Variants in MYO16 observed in about 807,000 individuals in gnomAD.
The protein encoded by MYO16 is unconventional myosin-XVI.
Under a neutral mutation model 205.3 loss-of-function variants are expected in MYO16, and 94 were observed. The ratio of observed to expected loss-of-function variants is 0.46; its 90% CI spans 0.39 to 0.54. MYO16 has a LOEUF of 0.54. Among genes scored for constraint, MYO16 ranks in the 20% least tolerant of loss-of-function variants. The probability of loss-of-function intolerance (pLI) is 0.00; values close to 1 mark genes in which losing one functional copy is unlikely to be tolerated. For synonymous variants in MYO16, 988 were observed against 954.0 expected, an observed-to-expected ratio of 1.04 and a Z score of -0.66; for missense variants, 2,315 against 2,387.5, an observed-to-expected ratio of 0.97 and a Z score of 0.63.
intron 23 of MYO16, among the ~76,000 whole-genome samples, chr13:109,042,880 A>G (rs563210680): frequency 2.6e-5 from 4 of 152,346 alleles, no homozygotes; most frequent in African/African-American, 4.8e-5. Flanking sequence ...ACTAAACACT[A>G]TGCTTCCTAC....
chr13:108,639,234 A>T (rs923950362), intron 1 of MYO16, among the ~76,000 whole-genome samples: 12 of 152,116 alleles, frequency 7.9e-5, no homozygotes, highest in African/African-American at 2.9e-4. Flanking sequence ...TTAAATCAGG[A>T]GGGTGGGGAC....
intron 15 of MYO16, among the ~76,000 whole-genome samples, chr13:108,904,149 A>G (rs1306456279): frequency 6.6e-6 from 1 of 152,202 alleles, no homozygotes; most frequent in African/African-American, 2.4e-5. Flanking sequence ...ATGAAACATG[A>G]GCTGTATATA....
At chr13:108,819,780 T>A (rs1296930595) in intron 7 of MYO16, among the ~76,000 whole-genome samples, 1 of 152,222 alleles carries the variant, frequency 6.6e-6, no homozygotes, top group East Asian at 1.9e-4. Flanking sequence ...CCCATGTTGC[T>A]GTCATAGAGC....
chr13:108,504,252 G>A, the MYO16 span, among the ~76,000 whole-genome samples: 1 of 152,040 alleles, frequency 6.6e-6, no homozygotes, highest in Non-Finnish European at 1.5e-5. Flanking sequence ...CTCACGAGTA[G>A]CTGGGACTAC....
At chr13:109,186,038 C>A (rs1345638656) in intron 34 of MYO16, among the ~76,000 whole-genome samples, 1 of 151,996 alleles carries the variant, frequency 6.6e-6, no homozygotes, top group Non-Finnish European at 1.5e-5. Context: ...TTAGGGTTAA[C>A]AACTGTAGTC....
chr13:109,172,277 T>C (rs1207657093), intron 33 of MYO16, among the ~76,000 whole-genome samples: 5 of 152,226 alleles, frequency 3.3e-5, no homozygotes, highest in African/African-American at 1.2e-4. Context: ...GAAGCAAGCC[T>C]CACTTGACAA....
chr13:108,799,000 C>T (rs1294391871), intron 6 of MYO16, among the ~76,000 whole-genome samples: 6 of 152,142 alleles, frequency 3.9e-5, no homozygotes, highest in African/African-American at 9.7e-5. Flanking sequence ...CCACCGCGCC[C>T]GGCCCCCGAG....
At chr13:108,784,466 T>TA (rs1197328979) in intron 4 of MYO16, among the ~76,000 whole-genome samples, 7 of 152,186 alleles carry the variant, frequency 4.6e-5, no homozygotes, top group African/African-American at 1.7e-4. Flanking sequence ...AATGTTAAGA[T>TA]ACGGAATATT....
intron 2 of MYO16, among the ~76,000 whole-genome samples, chr13:108,677,024 G>A (rs1271108336): frequency 2.6e-5 from 4 of 152,120 alleles, no homozygotes; most frequent in Admixed American, 1.3e-4. Flanking sequence ...TAAAATGTGT[G>A]TTATGCAAAG....
chr13:108,785,862 A>T, intron 5 of MYO16, 119 bp downstream of exon 5: 1 of 637,222 alleles, frequency 1.6e-6, no homozygotes, highest in South Asian at 2.1e-5. Flanking sequence ...CACGTGGTGT[A>T]GAAGATGGTA....
intron 12 of MYO16, 52 bp downstream of exon 12, chr13:108,866,294 G>C: frequency 1.7e-6 from 2 of 1,165,190 alleles, no homozygotes; most frequent in East Asian, 2.6e-5. Flanking sequence ...ATACTTTCTA[G>C]TCATACATGT....
intron 20 of MYO16, among the ~76,000 whole-genome samples, chr13:108,984,484 A>G (rs538693288): frequency 3.3e-5 from 5 of 152,274 alleles, no homozygotes; most frequent in African/African-American, 1.2e-4. Context: ...TCATTCACAC[A>G]AGGGATTCAG....
intron 14 of MYO16, among the ~76,000 whole-genome samples, chr13:108,896,893 A>T (rs1354807403): frequency 6.6e-6 from 1 of 152,108 alleles, no homozygotes; most frequent in Non-Finnish European, 1.5e-5. Context: ...AATTGCTTGA[A>T]TCCAGGAGGC....
chr13:109,120,530 C>A, intron 29 of MYO16, 64 bp downstream of exon 29: 3 of 1,260,768 alleles, frequency 2.4e-6, no homozygotes, highest in South Asian at 2.6e-5. Context: ...TCTTTTAGTG[C>A]ATCCCCAAGT....
intron 4 of MYO16, among the ~76,000 whole-genome samples, chr13:108,781,991 T>C (rs1315593714): frequency 6.6e-6 from 1 of 152,164 alleles, no homozygotes; most frequent in African/African-American, 2.4e-5. Context: ...ATGGCTTTAT[T>C]AGCAGTGTAA....
At chr13:108,733,438 G>C (rs1884587885) in intron 4 of MYO16, among the ~76,000 whole-genome samples, 1 of 152,152 alleles carries the variant, frequency 6.6e-6, no homozygotes, top group African/African-American at 2.4e-5. Context: ...CTGAAGTCCA[G>C]ATAGTATTAG....
intron 34 of MYO16, among the ~76,000 whole-genome samples, chr13:109,192,007 C>T (rs12871154): frequency 2.0e-5 from 3 of 152,066 alleles, no homozygotes; most frequent in Non-Finnish European, 2.9e-5. Flanking sequence ...ATTTTGAAAG[C>T]GAAATTCAGG....
rs373084764 is a variant in MYO16, at chr13:108,630,440, A to T, written c.28+568A>T. Among the ~76,000 whole-genome samples, 13 of 152,270 alleles carry T rather than the reference A, an allele frequency of 8.5e-5. No homozygotes were observed. The South Asian group carries it at 2.5e-3, about 29-fold the overall frequency. On this transcript the variant is annotated intron_variant, in intron 1 of 34. Transcript: ENST00000457511. The stretch of plus-strand genomic sequence containing the variant: ...CTCTCCACTGATGTTCATATGGTGA[A>T]ATTTAGTTTGTCACCAGGTTCTCTT...
At chr13:108,982,186 C>T (rs1252243658) in intron 20 of MYO16, among the ~76,000 whole-genome samples, 1 of 152,188 alleles carries the variant, frequency 6.6e-6, no homozygotes, top group Non-Finnish European at 1.5e-5. Flanking sequence ...ATGGTTAATA[C>T]CAGCGTGTTG....
Sources: allele counts gnomAD v4.1 joint callset (sites outside exome capture counted in the v4.1 genomes callset), GRCh38; gene constraint gnomAD v4.1.1; transcripts MANE v1.5; gene names NCBI Gene and HGNC (gene_info 2026-07-23, HGNC 2026-07-21).